The following INTS9 variants were observed in gnomAD, a reference collection of about 807,000 sequenced individuals.
INTS9 encodes integrator complex subunit 9.
In INTS9, 55 loss-of-function variants were observed where a neutral mutation model predicts 79.7. The observed-to-expected ratio is 0.69, with a 90% CI of 0.56 to 0.86. The LOEUF (loss-of-function observed/expected upper bound fraction) is 0.86, where lower values mean the gene tolerates loss of function less well. Among genes scored for constraint, INTS9 ranks in the 40% least tolerant of loss-of-function variants. The pLI is 0.00. For synonymous variants in INTS9, 319 were observed against 325.2 expected, an observed-to-expected ratio of 0.98 and a Z score of 0.20; for missense variants, 721 against 831.5, an observed-to-expected ratio of 0.87 and a Z score of 1.64.
At chr8:28,814,202 TA>T (rs1805329477) in intron 6 of INTS9, among the ~76,000 whole-genome samples, 1 of 151,176 alleles carries the variant, frequency 6.6e-6, no homozygotes, top group Admixed American at 6.6e-5. Flanking sequence ...CACTGTACAA[TA>T]CAGGTCCAAG....
At chr8:28,880,424 G>A (rs1364292445) in intron 1 of INTS9, among the ~76,000 whole-genome samples, 3 of 152,172 alleles carry the variant, frequency 2.0e-5, no homozygotes, top group African/African-American at 7.2e-5. Flanking sequence ...ACGCCTGACT[G>A]GTTTTCGTTT....
At chr8:28,854,431 T>C (rs896016952) in intron 2 of INTS9, among the ~76,000 whole-genome samples, 28 of 152,126 alleles carry the variant, frequency 1.8e-4, no homozygotes, top group African/African-American at 5.3e-4. Context: ...AAGGGCACTT[T>C]TGACAGTTTG....
Position 28,779,452 on chromosome 8 carries a change from T to G in INTS9, c.1270+1371A>C, listed in dbSNP as rs141583933. 2.8e-3 allele frequency among the ~76,000 whole-genome samples: 424 copies of G among 152,300 alleles called. 1 individual carries two copies. The highest frequency in any genetic ancestry group is 9.9e-3 in the African/African-American group (411 of 41,566). On this transcript the variant is annotated intron_variant, in intron 12 of 16. Transcript: ENST00000521022. ...ACACCAACACCTTGTCTGACAATGA[T>G]GGATCCGGCCAAAGACAAGACCCCT...
chr8:28,858,043 C>T (rs1311068014), intron 2 of INTS9, among the ~76,000 whole-genome samples: 1 of 152,082 alleles, frequency 6.6e-6, no homozygotes, highest in Non-Finnish European at 1.5e-5. Flanking sequence ...ACCATGAGAA[C>T]AGTAGAACTG....
rs756111852 is a variant in INTS9, at chr8:28,850,254, G to T, written c.157C>A (p.Pro53Thr). 1.2e-6 allele frequency: 2 copies of T among 1,613,752 alleles called. No individual in the cohort carries two copies. Among genetic ancestry groups the T allele is most frequent in the Non-Finnish European group, 1.7e-6 (2 of 1,179,674 alleles). Residue 53 changes from proline to threonine, a missense_variant, in exon 3 of 17, where the codon CCT becomes ACT. Physicochemically the swap from Pro to Thr is conservative, Grantham distance 38. This residue lies in a region of INTS9 where 291 missense variants were observed against 307.0 expected (regional missense o/e 0.95). Transcript: ENST00000521022. ...LVQSPRLSNLPGWSLKDGNAF... is the reference protein window; with the variant it reads ...LVQSPRLSNLTGWSLKDGNAF... ...TTTCCATCCTTCAGGGACCAGCCAGGAAGATTGGACAGCCTGGGACTGCAA... is the reference window on the plus strand; with the variant it reads ...TTTCCATCCTTCAGGGACCAGCCAGTAAGATTGGACAGCCTGGGACTGCAA...
chr8:28,848,710 A>G (rs1807664383), intron 3 of INTS9, among the ~76,000 whole-genome samples: 1 of 152,216 alleles, frequency 6.6e-6, no homozygotes, highest in Non-Finnish European at 1.5e-5. Flanking sequence ...ATAATGCTAC[A>G]TTTCAGGACA....
chr8:28,814,087 T>C (rs1319094323), intron 6 of INTS9, among the ~76,000 whole-genome samples: 1 of 146,114 alleles, frequency 6.8e-6, no homozygotes, highest in Non-Finnish European at 1.5e-5. Context: ...AAAAAAAAAA[T>C]AGAGACATGG....
chr8:28,774,618 C>G (rs1457527048), intron 14 of INTS9, among the ~76,000 whole-genome samples: 1 of 152,208 alleles, frequency 6.6e-6, no homozygotes, highest in East Asian at 1.9e-4. Flanking sequence ...CCTCTCCAGG[C>G]TCATGGAAAT....
At chr8:28,826,965 T>C (rs1806184064) in intron 6 of INTS9, among the ~76,000 whole-genome samples, 1 of 152,220 alleles carries the variant, frequency 6.6e-6, no homozygotes, top group Non-Finnish European at 1.5e-5. Context: ...TTTCTAGATA[T>C]TTAGTTACTT....
chr8:28,821,702 T>C (rs1772510226), intron 6 of INTS9, among the ~76,000 whole-genome samples: 1 of 152,080 alleles, frequency 6.6e-6, no homozygotes, highest in Admixed American at 6.6e-5. Context: ...TAAGAGTGGT[T>C]GCTTTATAAT....
At chr8:28,858,469 C>T (rs185298382) in intron 2 of INTS9, among the ~76,000 whole-genome samples, 1 of 152,310 alleles carries the variant, frequency 6.6e-6, no homozygotes, top group African/African-American at 2.4e-5. Flanking sequence ...AAGCTCCTCC[C>T]AATCCAGTTT....
intron 4 of INTS9, among the ~76,000 whole-genome samples, chr8:28,845,156 T>C (rs532048638): frequency 1.3e-5 from 2 of 152,350 alleles, no homozygotes; most frequent in Admixed American, 6.5e-5. Flanking sequence ...CTACAGACCA[T>C]AAATTCAATC....
chr8:28,778,788 A>G (rs996064995), intron 12 of INTS9, among the ~76,000 whole-genome samples: 1 of 152,172 alleles, frequency 6.6e-6, no homozygotes, highest in Non-Finnish European at 1.5e-5. Flanking sequence ...GGCACACCAG[A>G]CACAGAGACG....
At chr8:28,773,189 C>T (rs536235795) in intron 14 of INTS9, among the ~76,000 whole-genome samples, 10 of 152,264 alleles carry the variant, frequency 6.6e-5, no homozygotes, top group South Asian at 2.1e-4. Flanking sequence ...AGGGGCCAGG[C>T]GCAGTGGCTC....
intron 4 of INTS9, among the ~76,000 whole-genome samples, chr8:28,843,374 C>T (rs1016847155): frequency 6.6e-6 from 1 of 152,246 alleles, no homozygotes; most frequent in African/African-American, 2.4e-5. Flanking sequence ...GAATAGGACA[C>T]TTTCATCTGC....
At chr8:28,882,629 T>C (rs907775543) in intron 1 of INTS9, among the ~76,000 whole-genome samples, 2 of 150,526 alleles carry the variant, frequency 1.3e-5, no homozygotes, top group Non-Finnish European at 2.9e-5. Context: ...AAATGGATTA[T>C]GCAAGACATC....
chr8:28,792,156 A>G (rs909725224), intron 10 of INTS9, among the ~76,000 whole-genome samples: 2 of 152,240 alleles, frequency 1.3e-5, no homozygotes, highest in Non-Finnish European at 2.9e-5. Flanking sequence ...AACCTGGTGC[A>G]TATGAAAGTC....
rs1481669023 is a variant in INTS9, at chr8:28,777,895, G to A, written c.1329C>T (p.Cys443=). The change falls in exon 13 of 17, where the codon TGC becomes TGT. Residue 443 remains cysteine (C), a synonymous_variant. Transcript: ENST00000521022. ...LAPYQPLAMK[C]IYCPIDTRLN... is the part of the protein sequence containing the mutation. ...GCCGGGTGTCGATGGGGCAGTAGAT[G>A]CATTTCATGGCCAGCGGCTGGTAAG... 2.5e-6 allele frequency: 4 copies of A among 1,612,670 alleles called. No individual in the cohort carries two copies. The highest frequency in any genetic ancestry group is 2.7e-5 in the African/African-American group (2 of 74,830).
At chr8:28,844,837 A>G (rs1164016834) in intron 4 of INTS9, among the ~76,000 whole-genome samples, 1 of 152,226 alleles carries the variant, frequency 6.6e-6, no homozygotes, top group African/African-American at 2.4e-5. Flanking sequence ...TTTTCTTTTT[A>G]TAATAAATTT....
Sources: allele counts gnomAD v4.1 joint callset (sites outside exome capture counted in the v4.1 genomes callset), GRCh38; gene constraint gnomAD v4.1.1; regional missense constraint gnomAD v4.1.1; transcripts MANE v1.5; gene names NCBI Gene and HGNC (gene_info 2026-07-23, HGNC 2026-07-21).